Variants in CASP9 observed in about 807,000 individuals in gnomAD.
CASP9 encodes caspase 9.
Under a neutral mutation model 43.5 loss-of-function variants are expected in CASP9, and 29 were observed. The ratio of observed to expected loss-of-function variants is 0.67; its 90% confidence interval spans 0.50 to 0.91. The LOEUF is 0.91. CASP9 is among the 40% of genes least tolerant of loss of function. CASP9 has a pLI of 0.00. For synonymous variants in CASP9, 206 were observed against 211.9 expected, an observed-to-expected ratio of 0.97 and a Z score of 0.24; for missense variants, 575 against 537.4, an observed-to-expected ratio of 1.07 and a Z score of -0.69.
chr1:15,504,314 G>A (rs1709435927), intron 6 of CASP9, among the ~76,000 whole-genome samples: 1 of 152,214 alleles, frequency 6.6e-6, no homozygotes, highest in Admixed American at 6.5e-5. Flanking sequence ...ATAAAAAGAG[G>A]TTTCTCCTCT....
rs779211004 is a variant in CASP9, at chr1:15,506,996, C to T, written c.533G>A (p.Arg178His). 26 of 1,614,076 alleles carry T rather than the reference C, an allele frequency of 1.6e-5. No individual in the cohort carries two copies. Among genetic ancestry groups the T allele is most frequent in the African/African-American group, 9.3e-5 (7 of 74,938 alleles). The change falls in exon 4 of 9, where the codon CGC (arginine) becomes CAC (histidine). Residue 178 changes from arginine to histidine, a missense_variant. Coordinates refer to ENST00000333868, the MANE Select transcript of CASP9 (RefSeq NM_001229.5). ...GTCGATGTTGGAGCCAGTGCGGGTG[C>T]GGAGCCCGGACTCACGGCAGAAGTT... Reference protein sequence around the residue: ...NVNFCRESGLRTRTGSNIDCE... With the variant: ...NVNFCRESGLHTRTGSNIDCE...
intron 1 of CASP9, chr1:15,519,973 C>T (rs1306249767): frequency 7.4e-6 from 1 of 135,708 alleles, no homozygotes; most frequent in East Asian, 3.0e-4. Flanking sequence ...AGCACCACTG[C>T]ACTTCAGCCT....
chr1:15,520,985 A>G (rs1376134394), intron 1 of CASP9, among the ~76,000 whole-genome samples: 2 of 151,688 alleles, frequency 1.3e-5, no homozygotes, highest in Non-Finnish European at 2.9e-5. Context: ...GTGAAACCCC[A>G]TCTCTACTAA....
upstream of CASP9, chr1:15,524,241 T>A: frequency 6.6e-7 from 1 of 1,526,028 alleles, no homozygotes; most frequent in Non-Finnish European, 8.8e-7. Context: ...CTCAGTCCGC[T>A]TCCGGGCCTC....
chr1:15,524,649 CG>C, upstream of CASP9: 1 of 1,060,370 alleles, frequency 9.4e-7, no homozygotes, highest in African/African-American at 1.8e-5. Flanking sequence ...CGCCTCGCCC[CG>C]CCCCAAGGAT....
At chr1:15,502,851 T>C (rs994583600) in intron 6 of CASP9, among the ~76,000 whole-genome samples, 6 of 152,210 alleles carry the variant, frequency 3.9e-5, no homozygotes, top group African/African-American at 1.2e-4. Context: ...AGGAAGAGCA[T>C]TGCTGGACCA....
chr1:15,522,336 G>A (rs1284598267), intron 1 of CASP9, among the ~76,000 whole-genome samples: 1 of 152,192 alleles, frequency 6.6e-6, no homozygotes, highest in Non-Finnish European at 1.5e-5. Flanking sequence ...GTTCCCACAA[G>A]GTTCTTAAAA....
rs571293697 is a variant in CASP9 at position 15,505,157 on chromosome 1, A to G, written c.721-399T>C. Among the ~76,000 whole-genome samples, 13 of 152,242 alleles carry G rather than the reference A, an allele frequency of 8.5e-5. No individual in the cohort carries two copies. The South Asian group carries it at 2.7e-3, about 32-fold the overall frequency. On this transcript the variant is annotated intron_variant, in intron 5 of 8. Coordinates refer to ENST00000333868, the MANE Select transcript of CASP9 (RefSeq NM_001229.5). ...AGGCCCCTCTGACTGAGGCAGCTCA[A>G]CGCTGAGAGTGGCTGCTTTAAATCA...
upstream of CASP9, chr1:15,524,341 TC>T: frequency 7.5e-6 from 10 of 1,325,170 alleles, no homozygotes; most frequent in Non-Finnish European, 9.4e-6. Context: ...CCCCACCGCC[TC>T]CGGACGCATC....
chr1:15,503,946 T>C (rs148128873), intron 6 of CASP9, among the ~76,000 whole-genome samples: 7 of 152,224 alleles, frequency 4.6e-5, no homozygotes, highest in African/African-American at 1.7e-4. Context: ...CAGATAACAC[T>C]GTAATAGGAG....
chr1:15,520,291 GC>G (rs1710133324), intron 1 of CASP9, among the ~76,000 whole-genome samples: 1 of 152,146 alleles, frequency 6.6e-6, no homozygotes, highest in Non-Finnish European at 1.5e-5. Context: ...ATTTTTGTGG[GC>G]GAAAGATTAC....
At chr1:15,505,911 A>G in intron 5 of CASP9, 79 bp downstream of exon 5, 1 of 1,117,684 alleles carries the variant, frequency 8.9e-7, no homozygotes. Flanking sequence ...TGGACACAAG[A>G]AGGGACATGG....
chr1:15,515,720 G>A (rs1709921582), intron 2 of CASP9, among the ~76,000 whole-genome samples: 2 of 152,140 alleles, frequency 1.3e-5, no homozygotes, highest in African/African-American at 4.8e-5. Context: ...CAAGAATGTG[G>A]GAAAGTGGTC....
chr1:15,519,128 G>A (rs1366647091), intron 1 of CASP9, among the ~76,000 whole-genome samples: 1 of 151,538 alleles, frequency 6.6e-6, no homozygotes, highest in Non-Finnish European at 1.5e-5. Context: ...TCCAGCCTTG[G>A]CCTCCCAAAG....
intron 2 of CASP9, among the ~76,000 whole-genome samples, chr1:15,515,703 CT>C (rs1472082054): frequency 3.3e-5 from 5 of 152,172 alleles, no homozygotes. Flanking sequence ...TCAATATTCA[CT>C]GTTGGCAAGA....
chr1:15,495,245 C>A (rs201612073), intron 7 of CASP9, 28 bp downstream of exon 7: 2 of 1,593,918 alleles, frequency 1.3e-6, no homozygotes. Context: ...CCACTGGCTG[C>A]GAGGACGAGC....
At chr1:15,502,175 GAT>G (rs1709353465) in intron 6 of CASP9, among the ~76,000 whole-genome samples, 1 of 152,078 alleles carries the variant, frequency 6.6e-6, no homozygotes, top group Non-Finnish European at 1.5e-5. Flanking sequence ...CTGACCAGGG[GAT>G]AAGCCCATCT....
chr1:15,524,819 G>C, upstream of CASP9: 1 of 897,282 alleles, frequency 1.1e-6, no homozygotes, highest in Non-Finnish European at 1.3e-6. Context: ...CCCAGGATTC[G>C]CTCTGCGTCA....
In CASP9 at chr1:15,491,484, G is replaced by A. The variant is rs4646107; in HGVS notation, c.*1459C>T. 5.5e-5 allele frequency: 48 copies of A among 871,460 alleles called. No homozygotes were observed. The East Asian group carries it at 1.1e-3, about 20-fold the overall frequency. 54.0% of individuals were successfully genotyped at this position (871,460 alleles called of 1,614,324 possible). ...CCTAAGAACCAGAAATAGGTCAGGC[G>A]CAATGGCTCAAGCCTGTAACCCCTG... On this transcript the variant is annotated 3_prime_UTR_variant, in exon 9 of 9. Coordinates refer to ENST00000333868, the MANE Select transcript of CASP9 (RefSeq NM_001229.5).
Sources: gnomAD v4.1 joint callset for allele counts (sites outside exome capture counted in the v4.1 genomes callset) on GRCh38, gnomAD v4.1.1 for gene constraint, MANE v1.5 for transcripts, NCBI Gene and HGNC (gene_info 2026-07-23, HGNC 2026-07-21) for gene names.